The following SSBP2 variants were observed in gnomAD, a reference collection of about 807,000 sequenced individuals.
SSBP2 encodes the protein single-stranded DNA-binding protein 2.
SSBP2 carries 17 observed loss-of-function variants against 61.8 expected under a neutral mutation model. That is an observed-to-expected ratio of 0.28 (90% confidence interval 0.19 to 0.41). SSBP2 has a LOEUF of 0.41. Among genes scored for constraint, SSBP2 ranks in the 10% least tolerant of loss-of-function variants. The pLI is 1.00. For missense variants in SSBP2, 310 were observed against 458.7 expected (o/e 0.68, Z 2.96); for synonymous variants, 139 against 141.3 (o/e 0.98, Z 0.12).
chr5:81,677,092 T>A (rs1752041195), intron 1 of SSBP2, among the ~76,000 whole-genome samples: 1 of 152,126 alleles, frequency 6.6e-6, no homozygotes, highest in Non-Finnish European at 1.5e-5. Flanking sequence ...ATAATAATAT[T>A]CGTTTAAGGC....
intron 5 of SSBP2, among the ~76,000 whole-genome samples, chr5:81,509,940 A>T (rs911537114): frequency 6.6e-6 from 1 of 152,208 alleles, no homozygotes; most frequent in African/African-American, 2.4e-5. Flanking sequence ...ACTGCCACTG[A>T]TCTTGAATCA....
chr5:81,553,153 T>C (rs958914572), intron 4 of SSBP2, among the ~76,000 whole-genome samples: 4 of 152,176 alleles, frequency 2.6e-5, no homozygotes, highest in East Asian at 3.9e-4. Context: ...AACAGCAATA[T>C]TGAATTTACC....
At chr5:81,551,883 A>G (rs1185013126) in intron 4 of SSBP2, among the ~76,000 whole-genome samples, 1 of 152,214 alleles carries the variant, frequency 6.6e-6, no homozygotes, top group Non-Finnish European at 1.5e-5. Flanking sequence ...TATTAAATAG[A>G]TCTAAAGTAA....
At chr5:81,444,836 T>C (rs1329406943) in intron 12 of SSBP2, among the ~76,000 whole-genome samples, 2 of 151,776 alleles carry the variant, frequency 1.3e-5, no homozygotes, top group South Asian at 2.1e-4. Flanking sequence ...AAGATTGGTA[T>C]TTATGGCCAG....
At chr5:81,609,640 C>G (rs1240359996) in intron 4 of SSBP2, among the ~76,000 whole-genome samples, 1 of 152,090 alleles carries the variant, frequency 6.6e-6, no homozygotes, top group Non-Finnish European at 1.5e-5. Context: ...ACCTCCAAGC[C>G]AAAGACAGTT....
intron 9 of SSBP2, among the ~76,000 whole-genome samples, chr5:81,464,514 G>A (rs542559037): frequency 1.3e-5 from 2 of 152,086 alleles, no homozygotes; most frequent in South Asian, 2.1e-4. Flanking sequence ...AAACAATAAG[G>A]TTACCAAATT....
chr5:81,536,490 G>T (rs1223368484), intron 4 of SSBP2, among the ~76,000 whole-genome samples: 4 of 151,932 alleles, frequency 2.6e-5, no homozygotes, highest in African/African-American at 9.7e-5. Flanking sequence ...CCACCTGATA[G>T]GCCCCAGTAA....
intron 4 of SSBP2, among the ~76,000 whole-genome samples, chr5:81,568,726 A>G (rs1581046538): frequency 1.3e-5 from 2 of 152,354 alleles, no homozygotes; most frequent in South Asian, 4.1e-4. Flanking sequence ...TTTAATACAA[A>G]TATTTAAAAT....
chr5:81,606,005 G>C (rs1179199327), intron 4 of SSBP2, among the ~76,000 whole-genome samples: 1 of 152,142 alleles, frequency 6.6e-6, no homozygotes, highest in Non-Finnish European at 1.5e-5. Context: ...GGTCCCTGAG[G>C]AAAGGCATGA....
chr5:81,548,247 C>T (rs182814287), intron 4 of SSBP2, among the ~76,000 whole-genome samples: 37 of 152,136 alleles, frequency 2.4e-4, no homozygotes, highest in African/African-American at 8.4e-4. Flanking sequence ...GTTGTATATT[C>T]TCTAATGTAA....
At chr5:81,703,792 A>G (rs1754167131) in intron 1 of SSBP2, among the ~76,000 whole-genome samples, 1 of 152,160 alleles carries the variant, frequency 6.6e-6, no homozygotes, top group Non-Finnish European at 1.5e-5. Flanking sequence ...ATTTTAAACT[A>G]ATGTTTTTCT....
At chr5:81,740,936 C>T (rs1756976554) in intron 1 of SSBP2, among the ~76,000 whole-genome samples, 1 of 152,152 alleles carries the variant, frequency 6.6e-6, no homozygotes, top group South Asian at 2.1e-4. Context: ...TATTGCCTCC[C>T]ACCCCAACTA....
chr5:81,716,081 A>AC (rs1470585028), intron 1 of SSBP2, among the ~76,000 whole-genome samples: 2 of 150,860 alleles, frequency 1.3e-5, no homozygotes, highest in African/African-American at 4.9e-5. Flanking sequence ...AACAACAACA[A>AC]AAAAAAAACA....
chr5:81,748,539 A>G, intron 1 of SSBP2, among the ~76,000 whole-genome samples: 1 of 152,310 alleles, frequency 6.6e-6, no homozygotes, highest in South Asian at 2.1e-4. Flanking sequence ...ACCTACGTCG[A>G]TGTTTGTCTT....
intron 1 of SSBP2, among the ~76,000 whole-genome samples, chr5:81,678,472 A>T (rs1379838607): frequency 5.9e-5 from 9 of 152,176 alleles, no homozygotes; most frequent in African/African-American, 1.7e-4. Flanking sequence ...AGCAGTAGGA[A>T]AGGAAAGAGA....
Position 81,702,374 on chromosome 5 carries a change from A to AAAAC in SSBP2, c.62+48603_62+48606dup, listed in dbSNP as rs545936358. Among the ~76,000 whole-genome samples the AAAAC allele has an allele frequency of 2.0e-5, 3 of 152,002 alleles. 1 individual carries two copies. The highest frequency in any genetic ancestry group is 1.9e-4 in the East Asian group (1 of 5,178). On this transcript the variant is annotated intron_variant, in intron 1 of 16. Coordinates refer to ENST00000320672, the MANE Select transcript of SSBP2 (RefSeq NM_012446.5). Reference sequence around the variant, plus strand: ...AACAGAGCGAGACTCCCATCTCAAAAAAACAAACAAACAAACAAACAAATT... The same window carrying AAAAC: ...AACAGAGCGAGACTCCCATCTCAAAAAAACAAACAAACAAACAAACAAACAAATT...
At chr5:81,625,173 T>C (rs1747023538) in intron 3 of SSBP2, among the ~76,000 whole-genome samples, 1 of 152,170 alleles carries the variant, frequency 6.6e-6, no homozygotes, top group Non-Finnish European at 1.5e-5. Flanking sequence ...ACTTATCTCC[T>C]AGAGGAAGAA....
intron 15 of SSBP2, among the ~76,000 whole-genome samples, chr5:81,432,539 G>A (rs1044108100): frequency 1.3e-5 from 2 of 152,160 alleles, no homozygotes; most frequent in Non-Finnish European, 2.9e-5. Context: ...GATGTCAGGA[G>A]TTTGAGACTA....
At chr5:81,716,554 A>C (rs760191703) in intron 1 of SSBP2, among the ~76,000 whole-genome samples, 3 of 152,194 alleles carry the variant, frequency 2.0e-5, no homozygotes, top group African/African-American at 7.2e-5. Context: ...TTGTGTATAT[A>C]ATTTTTTTAA....
Sources: gnomAD v4.1 joint callset for allele counts (sites outside exome capture counted in the v4.1 genomes callset) on GRCh38, gnomAD v4.1.1 for gene constraint, MANE v1.5 for transcripts, NCBI Gene and HGNC (gene_info 2026-07-23, HGNC 2026-07-21) for gene names.